Variants in DPP10 observed in about 807,000 individuals in gnomAD.
DPP10 encodes the protein inactive dipeptidyl peptidase 10.
Under a neutral mutation model 120.9 loss-of-function variants are expected in DPP10, and 33 were observed. The observed-to-expected ratio is 0.27, with a 90% CI of 0.21 to 0.37. DPP10 has a LOEUF of 0.37. Among genes scored for constraint, DPP10 ranks in the 10% least tolerant of loss-of-function variants. The pLI, the probability that DPP10 is intolerant of heterozygous loss-of-function variation, is 1.00. For synonymous variants in DPP10, 337 were observed against 326.1 expected (o/e 1.03, Z -0.36); for missense variants, 816 against 942.8 (o/e 0.87, Z 1.76).
At chr2:114,921,920 T>G (rs143498244) in intron 1 of DPP10, among the ~76,000 whole-genome samples, 3 of 152,234 alleles carry the variant, frequency 2.0e-5, no homozygotes, top group African/African-American at 7.2e-5. Context: ...TTTAAACTTT[T>G]ATTGATTATT....
At chr2:114,658,301 A>G (rs762144681) in intron 1 of DPP10, among the ~76,000 whole-genome samples, 2 of 152,202 alleles carry the variant, frequency 1.3e-5, no homozygotes, top group Non-Finnish European at 2.9e-5. Context: ...TGAAGGTATG[A>G]GCAGAGTCCA....
chr2:114,801,271 A>G lies in DPP10; in HGVS notation c.60+358433A>G, dbSNP rs530870571. On this transcript the variant is annotated intron_variant, in intron 1 of 25. Coordinates refer to ENST00000410059, the MANE Select transcript of DPP10 (RefSeq NM_020868.6). The stretch of plus-strand genomic sequence containing the variant: ...GAACGAGACTCTGTATCAAAAAAAA[A>G]AAAAAAAAGAAAAAAAGAAAGAAAG... Among the ~76,000 whole-genome samples, 68 of 95,460 alleles carry G rather than the reference A, an allele frequency of 7.1e-4. 1 individual carries two copies. The highest frequency in any genetic ancestry group is 9.7e-3 in the Middle Eastern group (2 of 206). The allele number at this position is 95,460 out of a possible 152,430, so 62.6% of individuals were successfully genotyped here.
At chr2:115,664,896 C>T (rs1248372349) in intron 5 of DPP10, among the ~76,000 whole-genome samples, 1 of 131,316 alleles carries the variant, frequency 7.6e-6, no homozygotes, top group Non-Finnish European at 1.8e-5. Flanking sequence ...TATTTACATT[C>T]ACATTAAATA....
chr2:115,396,426 G>A (rs13022199), intron 3 of DPP10, among the ~76,000 whole-genome samples: 11,913 of 152,210 alleles, frequency 0.078, 649 homozygotes, highest in Non-Finnish European at 0.11. Context: ...GAAAAATAAT[G>A]TTTGGAAATG....
intron 1 of DPP10, among the ~76,000 whole-genome samples, chr2:114,716,446 A>G (rs1027251315): frequency 3.3e-5 from 5 of 152,206 alleles, no homozygotes; most frequent in African/African-American, 9.6e-5. Context: ...GTAATACCCT[A>G]TAGCATCTTT....
intron 1 of DPP10, among the ~76,000 whole-genome samples, chr2:114,778,644 C>G (rs1439908718): frequency 6.6e-6 from 1 of 151,914 alleles, no homozygotes; most frequent in Non-Finnish European, 1.5e-5. Context: ...GTAAAGAAAT[C>G]ATGGAAGCTT....
chr2:115,049,045 T>C (rs1479563662), intron 1 of DPP10, among the ~76,000 whole-genome samples: 1 of 151,938 alleles, frequency 6.6e-6, no homozygotes, highest in Non-Finnish European at 1.5e-5. Context: ...TTTAAATGAG[T>C]GATGGGTGGT....
At chr2:115,039,110 T>C (rs1257672203) in intron 1 of DPP10, among the ~76,000 whole-genome samples, 2 of 152,130 alleles carry the variant, frequency 1.3e-5, no homozygotes, top group African/African-American at 4.8e-5. Context: ...TGGAGCAGAA[T>C]GCACAACGGC....
chr2:115,795,464 TG>T (rs1444693789), intron 19 of DPP10, among the ~76,000 whole-genome samples: 1 of 152,158 alleles, frequency 6.6e-6, no homozygotes, highest in Non-Finnish European at 1.5e-5. Flanking sequence ...AAGAAATTCA[TG>T]GTCATCCATC....
chr2:115,667,357 C>T (rs1360242556), intron 5 of DPP10, among the ~76,000 whole-genome samples: 2 of 152,140 alleles, frequency 1.3e-5, no homozygotes, highest in African/African-American at 2.4e-5. Flanking sequence ...TTAATTAAAT[C>T]TCACTTGTCA....
intron 1 of DPP10, among the ~76,000 whole-genome samples, chr2:114,932,588 T>C (rs1327051809): frequency 6.6e-6 from 1 of 152,146 alleles, no homozygotes; most frequent in Non-Finnish European, 1.5e-5. Context: ...TTATATACAG[T>C]TCCCAGATCA....
chr2:115,712,687 G>C (rs1407292955), intron 7 of DPP10, among the ~76,000 whole-genome samples: 2 of 149,658 alleles, frequency 1.3e-5, no homozygotes, highest in Non-Finnish European at 1.5e-5. Context: ...TGTAAGACAA[G>C]AGACAAAACC....
intron 1 of DPP10, among the ~76,000 whole-genome samples, chr2:114,650,348 C>A (rs1399416855): frequency 6.6e-6 from 1 of 152,112 alleles, no homozygotes; most frequent in African/African-American, 2.4e-5. Context: ...CCAAACCCAG[C>A]AATATCCCTA....
intron 5 of DPP10, among the ~76,000 whole-genome samples, chr2:115,681,608 T>C (rs1288003897): frequency 2.6e-5 from 4 of 151,982 alleles, no homozygotes; most frequent in Middle Eastern, 3.4e-3. Flanking sequence ...TTAATCCTCA[T>C]AATAAAACAT....
rs551397084 is a variant in DPP10, at chr2:115,528,527, G to A, written c.441+2555G>A. Among the ~76,000 whole-genome samples the A allele has an allele frequency of 6.6e-5, 10 of 151,364 alleles. No individual in the cohort carries two copies. The South Asian group carries it at 1.9e-3, about 28-fold the overall frequency. ...CAATTCCTTCAAGTCATTTATCCCGGATACATAAAAGTATTCACACAAAAA... is the reference window on the plus strand; with the variant it reads ...CAATTCCTTCAAGTCATTTATCCCGAATACATAAAAGTATTCACACAAAAA... On this transcript the variant is annotated intron_variant, in intron 5 of 25. Coordinates refer to ENST00000410059, the MANE Select transcript of DPP10 (RefSeq NM_020868.6).
intron 1 of DPP10, among the ~76,000 whole-genome samples, chr2:114,735,058 A>C (rs545236368): frequency 1.3e-5 from 2 of 152,212 alleles, no homozygotes; most frequent in African/African-American, 2.4e-5. Flanking sequence ...AGATTGCATT[A>C]GGGCCCACCT....
chr2:115,416,233 T>G (rs1475468744), intron 3 of DPP10, among the ~76,000 whole-genome samples: 1 of 152,040 alleles, frequency 6.6e-6, no homozygotes, highest in Non-Finnish European at 1.5e-5. Flanking sequence ...AGTAACAAGG[T>G]AGATTCAAGG....
At chr2:114,912,071 G>A (rs575265566) in intron 1 of DPP10, among the ~76,000 whole-genome samples, 11 of 152,160 alleles carry the variant, frequency 7.2e-5, no homozygotes, top group Non-Finnish European at 1.2e-4. Flanking sequence ...ATGATATGCC[G>A]TTCAGAGAGA....
intron 5 of DPP10, among the ~76,000 whole-genome samples, chr2:115,610,051 AC>A (rs2083986227): frequency 6.6e-6 from 1 of 152,164 alleles, no homozygotes; most frequent in African/African-American, 2.4e-5. Flanking sequence ...GTGGTCAAAA[AC>A]ATGGTACTGG....
Sources: allele counts gnomAD v4.1 joint callset (sites outside exome capture counted in the v4.1 genomes callset), GRCh38; gene constraint gnomAD v4.1.1; transcripts MANE v1.5; gene names NCBI Gene and HGNC (gene_info 2026-07-23, HGNC 2026-07-21).